Variants in EPHA3 observed in about 807,000 individuals in gnomAD.
The protein encoded by EPHA3 is EPH receptor A3.
Under a neutral mutation model 107.1 loss-of-function variants are expected in EPHA3, and 42 were observed. The ratio of observed to expected loss-of-function variants is 0.39; its 90% CI spans 0.31 to 0.51. The LOEUF is 0.51. EPHA3 is among the 20% of genes least tolerant of loss of function. The pLI is 0.78. For missense variants in EPHA3, 1,183 were observed against 1,211.2 expected (o/e 0.98, Z 0.35); for synonymous variants, 461 against 424.8 (o/e 1.09, Z -1.05).
intron 1 of EPHA3, 85 bp downstream of exon 1, chr3:89,107,921 C>CG: frequency 7.5e-7 from 1 of 1,330,898 alleles, no homozygotes; most frequent in Non-Finnish European, 1.1e-6. Context: ...CCTTGCACGT[C>CG]GGGAAGGTGC....
chr3:89,135,134 T>G, intron 2 of EPHA3, among the ~76,000 whole-genome samples: 1 of 152,292 alleles, frequency 6.6e-6, no homozygotes, highest in Admixed American at 6.5e-5. Context: ...TTCTCAAATA[T>G]TGATATTTCA....
intron 5 of EPHA3, among the ~76,000 whole-genome samples, chr3:89,350,585 A>T (rs1393259053): frequency 6.6e-6 from 1 of 150,416 alleles, no homozygotes; most frequent in Non-Finnish European, 1.5e-5. Flanking sequence ...GCTCAGAGTA[A>T]TTTGATCGTC....
At chr3:89,396,629 A>AT (rs199968278) in intron 6 of EPHA3, among the ~76,000 whole-genome samples, 142 of 151,988 alleles carry the variant, frequency 9.3e-4, no homozygotes, top group Admixed American at 3.4e-3. Context: ...TAAATAACTC[A>AT]TTTTTTTTCT....
At chr3:89,190,866 C>T (rs187597594) in intron 2 of EPHA3, among the ~76,000 whole-genome samples, 54 of 152,206 alleles carry the variant, frequency 3.5e-4, no homozygotes, top group African/African-American at 1.3e-3. Context: ...TATAAGGCCT[C>T]CGTAGTATCG....
chr3:89,374,960 T>C (rs1708375672), intron 5 of EPHA3, among the ~76,000 whole-genome samples: 2 of 151,842 alleles, frequency 1.3e-5, no homozygotes, highest in Non-Finnish European at 2.9e-5. Flanking sequence ...CTGTAGGTCC[T>C]GTTAATCAAA....
chr3:89,351,981 T>C (rs1290508100), intron 5 of EPHA3, among the ~76,000 whole-genome samples: 2 of 150,564 alleles, frequency 1.3e-5, no homozygotes, highest in Non-Finnish European at 3.0e-5. Flanking sequence ...GATAGGACTT[T>C]CCAGGTGCTG....
At chr3:89,433,405 C>T (rs928824477) in intron 13 of EPHA3, among the ~76,000 whole-genome samples, 13 of 151,952 alleles carry the variant, frequency 8.6e-5, no homozygotes, top group African/African-American at 2.9e-4. Context: ...ACCTAATATG[C>T]CAGATAGCAT....
intron 13 of EPHA3, among the ~76,000 whole-genome samples, chr3:89,432,592 G>T (rs72923614): frequency 0.037 from 5,627 of 152,060 alleles, 360 homozygotes; most frequent in African/African-American, 0.13. Context: ...TTTCTTTAAA[G>T]AAAATTATTT....
chr3:89,177,790 T>A (rs183659419), intron 2 of EPHA3, among the ~76,000 whole-genome samples: 50 of 152,290 alleles, frequency 3.3e-4, no homozygotes, highest in African/African-American at 1.1e-3. Context: ...GTGTTTTATA[T>A]TTGCATTCAC....
intron 2 of EPHA3, among the ~76,000 whole-genome samples, chr3:89,169,583 A>AT (rs1405880218): frequency 6.6e-6 from 1 of 152,216 alleles, no homozygotes; most frequent in Non-Finnish European, 1.5e-5. Flanking sequence ...TAATGAAGAG[A>AT]TAAAAAATCA....
chr3:89,179,238 T>A (rs1178692779), intron 2 of EPHA3, among the ~76,000 whole-genome samples: 2 of 152,046 alleles, frequency 1.3e-5, no homozygotes, highest in Admixed American at 1.3e-4. Context: ...TATGTCTTTT[T>A]CTAATGTTTT....
intron 13 of EPHA3, among the ~76,000 whole-genome samples, chr3:89,447,922 T>C (rs186273200): frequency 3.3e-5 from 5 of 152,178 alleles, no homozygotes; most frequent in Admixed American, 1.3e-4. Flanking sequence ...AGTGGCATGC[T>C]ATGAGGTCCG....
intron 15 of EPHA3, among the ~76,000 whole-genome samples, chr3:89,452,585 T>G (rs1710015845): frequency 6.6e-6 from 1 of 152,178 alleles, no homozygotes; most frequent in African/African-American, 2.4e-5. Flanking sequence ...TCCTTATATA[T>G]TTTGGATATT....
intron 5 of EPHA3, among the ~76,000 whole-genome samples, chr3:89,362,208 G>A (rs1171180431): frequency 6.6e-6 from 1 of 150,956 alleles, no homozygotes; most frequent in South Asian, 2.1e-4. Flanking sequence ...ATTTCTTTTT[G>A]GGTTGAACAT....
chr3:89,121,338 G>T (rs182671303), intron 1 of EPHA3, among the ~76,000 whole-genome samples: 63 of 152,248 alleles, frequency 4.1e-4, no homozygotes, highest in African/African-American at 1.3e-3. Flanking sequence ...GATATAAAAT[G>T]CTGCTAAATT....
At chr3:89,326,573 A>G (rs1707170129) in intron 3 of EPHA3, among the ~76,000 whole-genome samples, 1 of 151,896 alleles carries the variant, frequency 6.6e-6, no homozygotes. Context: ...TATTTTTTGT[A>G]GAGATGGGGT....
At chr3:89,476,138 A>G (rs1049225518) in intron 16 of EPHA3, among the ~76,000 whole-genome samples, 5 of 147,556 alleles carry the variant, frequency 3.4e-5, no homozygotes, top group Non-Finnish European at 6.0e-5. Flanking sequence ...TATATTATAT[A>G]TTATATATAA....
At chr3:89,241,881 A>G (rs1704904143) in intron 3 of EPHA3, among the ~76,000 whole-genome samples, 1 of 152,200 alleles carries the variant, frequency 6.6e-6, no homozygotes, top group African/African-American at 2.4e-5. Flanking sequence ...TGATAGTTTA[A>G]CTTTATCCCC....
chr3:89,251,679 C>T (rs1256860431), intron 3 of EPHA3, among the ~76,000 whole-genome samples: 21 of 151,926 alleles, frequency 1.4e-4, no homozygotes, highest in Admixed American at 1.1e-3. Context: ...AAGTGCAATT[C>T]ACAATAATAT....
Sources: allele counts gnomAD v4.1 joint callset (sites outside exome capture counted in the v4.1 genomes callset), GRCh38; gene constraint gnomAD v4.1.1; transcripts MANE v1.5; gene names NCBI Gene and HGNC (gene_info 2026-07-23, HGNC 2026-07-21).